The following NKAIN2 variants were observed in gnomAD, a reference collection of about 807,000 sequenced individuals.
NKAIN2 encodes the protein sodium/potassium transporting ATPase interacting 2.
Under a neutral mutation model 32.6 loss-of-function variants are expected in NKAIN2, and 14 were observed. That is an observed-to-expected ratio of 0.43 (90% CI 0.28 to 0.67). The LOEUF (loss-of-function observed/expected upper bound fraction) is 0.67, where lower values mean the gene tolerates loss of function less well. Among genes scored for constraint, NKAIN2 ranks in the 30% least tolerant of loss-of-function variants. The pLI is 0.17. For missense variants in NKAIN2, 198 were observed against 258.3 expected (o/e 0.77, Z 1.60); for synonymous variants, 80 against 87.2 (o/e 0.92, Z 0.46).
At chr6:124,117,661 T>TA (rs1011750146) in intron 1 of NKAIN2, among the ~76,000 whole-genome samples, 1 of 151,800 alleles carries the variant, frequency 6.6e-6, no homozygotes, top group Non-Finnish European at 1.5e-5. Flanking sequence ...ATAATAATAA[T>TA]AAAAAAAGAA....
At chr6:124,704,314 G>T (rs1239420057) in intron 4 of NKAIN2, among the ~76,000 whole-genome samples, 1 of 151,728 alleles carries the variant, frequency 6.6e-6, no homozygotes, top group African/African-American at 2.4e-5. Context: ...ATAGAAAGAA[G>T]AAATACAGAG....
intron 3 of NKAIN2, among the ~76,000 whole-genome samples, chr6:124,645,778 C>A (rs1225303867): frequency 2.0e-5 from 3 of 152,174 alleles, no homozygotes; most frequent in Non-Finnish European, 4.4e-5. Context: ...AATAGAAAAT[C>A]TTTAAGTCAT....
intron 1 of NKAIN2, among the ~76,000 whole-genome samples, chr6:124,150,426 T>C (rs1212065978): frequency 6.6e-6 from 1 of 152,144 alleles, no homozygotes; most frequent in African/African-American, 2.4e-5. Flanking sequence ...TACATGCATG[T>C]ATTATTTTAT....
intron 1 of NKAIN2, among the ~76,000 whole-genome samples, chr6:123,838,752 C>T (rs1417905741): frequency 1.3e-5 from 2 of 152,006 alleles, no homozygotes; most frequent in African/African-American, 2.4e-5. Flanking sequence ...AGGGGACCAG[C>T]GCATCTTTTT....
At chr6:123,907,385 C>T (rs1183011585) in intron 1 of NKAIN2, among the ~76,000 whole-genome samples, 1 of 151,970 alleles carries the variant, frequency 6.6e-6, no homozygotes, top group Non-Finnish European at 1.5e-5. Flanking sequence ...ATAGACTTAT[C>T]ATAATATCAT....
At chr6:124,086,540 T>C (rs1031918683) in intron 1 of NKAIN2, among the ~76,000 whole-genome samples, 15 of 151,974 alleles carry the variant, frequency 9.9e-5, no homozygotes, top group African/African-American at 3.6e-4. Flanking sequence ...AGACAGTAAC[T>C]ATTACCAAGT....
chr6:124,561,028 C>A (rs1316061646), intron 3 of NKAIN2, among the ~76,000 whole-genome samples: 1 of 152,070 alleles, frequency 6.6e-6, no homozygotes, highest in Non-Finnish European at 1.5e-5. Flanking sequence ...GGCAGGTCAC[C>A]TAGGAAAAGA....
chr6:124,161,749 C>A (rs1380767137), intron 1 of NKAIN2, among the ~76,000 whole-genome samples: 1 of 151,984 alleles, frequency 6.6e-6, no homozygotes, highest in African/African-American at 2.4e-5. Flanking sequence ...ACATTGAGTA[C>A]TTGTAGACAT....
At chr6:124,688,845 G>A (rs993813507) in intron 4 of NKAIN2, among the ~76,000 whole-genome samples, 1 of 152,006 alleles carries the variant, frequency 6.6e-6, no homozygotes, top group South Asian at 2.1e-4. Context: ...TCCATTGTCT[G>A]GATGAACCAC....
intron 3 of NKAIN2, among the ~76,000 whole-genome samples, chr6:124,419,357 TA>T (rs1404913683): frequency 6.6e-6 from 1 of 152,166 alleles, no homozygotes; most frequent in Non-Finnish European, 1.5e-5. Context: ...CAAACATGTC[TA>T]ACACCAGATC....
chr6:124,799,266 T>C (rs1319610426), intron 5 of NKAIN2, among the ~76,000 whole-genome samples: 2 of 152,226 alleles, frequency 1.3e-5, no homozygotes, highest in Non-Finnish European at 1.5e-5. Context: ...TCTCCCCAGA[T>C]TGGTGAGCAA....
intron 1 of NKAIN2, among the ~76,000 whole-genome samples, chr6:123,974,090 A>C (rs931768835): frequency 2.6e-5 from 4 of 152,202 alleles, no homozygotes; most frequent in Non-Finnish European, 5.9e-5. Context: ...CTGTTCATTC[A>C]TCTACAGAGA....
At chr6:123,945,114 T>C (rs904282769) in intron 1 of NKAIN2, among the ~76,000 whole-genome samples, 5 of 152,090 alleles carry the variant, frequency 3.3e-5, no homozygotes, top group Non-Finnish European at 5.9e-5. Flanking sequence ...GGCACTCACA[T>C]TGAACTCTAA....
chr6:124,540,617 C>A (rs938516627), intron 3 of NKAIN2, among the ~76,000 whole-genome samples: 4 of 152,188 alleles, frequency 2.6e-5, no homozygotes, highest in African/African-American at 4.8e-5. Flanking sequence ...ACTCAGTTAA[C>A]AGGTCTGCGA....
chr6:124,774,278 T>A (rs1335049345), intron 4 of NKAIN2, among the ~76,000 whole-genome samples: 1 of 151,712 alleles, frequency 6.6e-6, no homozygotes, highest in East Asian at 1.9e-4. Flanking sequence ...AGATTCTGAG[T>A]ATACCTTGAA....
chr6:124,068,023 A>G (rs1783273266), intron 1 of NKAIN2, among the ~76,000 whole-genome samples: 1 of 152,164 alleles, frequency 6.6e-6, no homozygotes, highest in Non-Finnish European at 1.5e-5. Context: ...ATATAACTTT[A>G]TGAAATCAGT....
intron 1 of NKAIN2, among the ~76,000 whole-genome samples, chr6:123,984,064 C>T (rs1230699736): frequency 6.6e-6 from 1 of 152,074 alleles, no homozygotes; most frequent in East Asian, 1.9e-4. Flanking sequence ...TGTGCCACCA[C>T]ACCCGGCTAA....
intron 1 of NKAIN2, among the ~76,000 whole-genome samples, chr6:124,050,133 C>T (rs1782336306): frequency 6.6e-6 from 1 of 151,698 alleles, no homozygotes; most frequent in South Asian, 2.1e-4. Context: ...TATGGGGGAG[C>T]TACTATCAAT....
chr6:124,219,147 C>A lies in NKAIN2; in HGVS notation c.55-63858C>A, dbSNP rs868012278. 7.9e-5 allele frequency among the ~76,000 whole-genome samples: 12 copies of A among 152,244 alleles called. No individual in the cohort carries two copies. The Middle Eastern group carries it at 0.02, about 259-fold the overall frequency. ...TGAGATTTGGGTGGGGACACAGAGC[C>A]AAACCATATCAAGTATGAAAACTGA... is the stretch of plus-strand genomic sequence containing the variant. On this transcript the variant is annotated intron_variant, in intron 1 of 6. Transcript: ENST00000368417.
Sources: allele counts gnomAD v4.1 joint callset (sites outside exome capture counted in the v4.1 genomes callset), GRCh38; gene constraint gnomAD v4.1.1; transcripts MANE v1.5; gene names NCBI Gene and HGNC (gene_info 2026-07-23, HGNC 2026-07-21).